The following GFOD1 variants were observed in gnomAD, a reference collection of about 807,000 sequenced individuals.
GFOD1 encodes the protein glucose-fructose oxidoreductase domain-containing protein 1.
Under a neutral mutation model 25.4 loss-of-function variants are expected in GFOD1, and 9 were observed. The observed-to-expected ratio is 0.35, with a 90% CI of 0.21 to 0.62. GFOD1 has a LOEUF of 0.62. Ranked by LOEUF, GFOD1 falls within the 20% of genes least tolerant of loss-of-function variation. The pLI is 0.72. For synonymous variants in GFOD1, 253 were observed against 245.6 expected, an observed-to-expected ratio of 1.03 and a Z score of -0.28; for missense variants, 403 against 556.9, an observed-to-expected ratio of 0.72 and a Z score of 2.78.
intron 1 of GFOD1, among the ~76,000 whole-genome samples, chr6:13,446,844 G>A (rs1254315120): frequency 6.6e-6 from 1 of 152,144 alleles, no homozygotes; most frequent in Non-Finnish European, 1.5e-5. Flanking sequence ...TCACCAACTG[G>A]CAGCAACAAC....
chr6:13,447,072 C>T (rs17768735), intron 1 of GFOD1, among the ~76,000 whole-genome samples: 38,114 of 152,138 alleles, frequency 0.25, 5,541 homozygotes, highest in Non-Finnish European at 0.32. Flanking sequence ...CACAGAAGAT[C>T]GGTGTCAGAA....
At chr6:13,367,872 T>C (rs1317437973) in intron 1 of GFOD1, among the ~76,000 whole-genome samples, 1 of 152,084 alleles carries the variant, frequency 6.6e-6, no homozygotes, top group Non-Finnish European at 1.5e-5. Context: ...CTCTGTGGTC[T>C]AGGCATGCTC....
chr6:13,459,200 C>T (rs1295901493), intron 1 of GFOD1, among the ~76,000 whole-genome samples: 1 of 151,994 alleles, frequency 6.6e-6, no homozygotes, highest in African/African-American at 2.4e-5. Flanking sequence ...AGAAATAAGA[C>T]CACACATTTC....
intron 1 of GFOD1, among the ~76,000 whole-genome samples, chr6:13,410,485 T>C (rs1316887972): frequency 6.6e-6 from 1 of 151,624 alleles, no homozygotes; most frequent in Non-Finnish European, 1.5e-5. Context: ...AAGAATTGCT[T>C]GAACCCAGGA....
At chr6:13,375,540 G>GC (rs538093358) in intron 1 of GFOD1, among the ~76,000 whole-genome samples, 170 of 152,354 alleles carry the variant, frequency 1.1e-3, no homozygotes, top group Middle Eastern at 3.4e-3. Context: ...CTCATATTCA[G>GC]CTCCTGTGTT....
chr6:13,378,965 GC>G (rs1405888321), intron 1 of GFOD1, among the ~76,000 whole-genome samples: 1 of 152,084 alleles, frequency 6.6e-6, no homozygotes, highest in Non-Finnish European at 1.5e-5. Context: ...TGCTGGTGTG[GC>G]CTAACAGAGG....
At chr6:13,398,293 C>A (rs1346190201) in intron 1 of GFOD1, among the ~76,000 whole-genome samples, 1 of 96,648 alleles carries the variant, frequency 1.0e-5, no homozygotes, top group East Asian at 3.0e-4. Flanking sequence ...AGACACCTAA[C>A]TTGGATCTGT....
Position 13,365,748 on chromosome 6 carries a change from T to C in GFOD1, c.254-86A>G, listed in dbSNP as rs976149339. 3 of 1,031,840 alleles carry C rather than the reference T, an allele frequency of 2.9e-6. No individual in the cohort carries two copies. Among genetic ancestry groups the C allele is most frequent in the Non-Finnish European group, 4.3e-6 (3 of 703,402 alleles). 63.9% of individuals were successfully genotyped at this position (1,031,840 alleles called of 1,614,324 possible). A position where few individuals can be genotyped will look rare whatever the true frequency, so the allele number is the denominator to read the frequency against. ...GGGTCAGATCTTAAAATATTTCACA[T>C]TAATAGAAAAAGAAGGTCAGATGTG... On this transcript the variant is annotated intron_variant, in intron 1 of 1. Coordinates refer to ENST00000379287, the MANE Select transcript of GFOD1 (RefSeq NM_018988.4). The surrounding 1 kb of genome is among the most constrained non-coding windows in gnomAD (Gnocchi z 9.2).
At chr6:13,474,738 C>G (rs996791444) in intron 1 of GFOD1, among the ~76,000 whole-genome samples, 1 of 152,326 alleles carries the variant, frequency 6.6e-6, no homozygotes, top group South Asian at 2.1e-4. Context: ...AAGAAACACT[C>G]TCCAGACACT....
rs117024942 is a variant in GFOD1, at chr6:13,481,727, G to A, written c.253+4911C>T. Among the ~76,000 whole-genome samples, 50 of 152,364 alleles carry A rather than the reference G, an allele frequency of 3.3e-4. No individual in the cohort carries two copies. The East Asian group carries it at 8.1e-3, about 25-fold the overall frequency. On this transcript the variant is annotated intron_variant, in intron 1 of 1. Coordinates refer to ENST00000379287, the MANE Select transcript of GFOD1 (RefSeq NM_018988.4). Reference sequence around the variant, plus strand: ...TCTTTGCCTTGTCTGCGTCCTGACCGTCAAGACGCTTGCTGGGAGAGGCAA... The same window carrying A: ...TCTTTGCCTTGTCTGCGTCCTGACCATCAAGACGCTTGCTGGGAGAGGCAA...
At chr6:13,399,131 C>T (rs1447948306) in intron 1 of GFOD1, among the ~76,000 whole-genome samples, 1 of 152,114 alleles carries the variant, frequency 6.6e-6, no homozygotes, top group Non-Finnish European at 1.5e-5. Context: ...TCTCTCACCT[C>T]AGCTTCCAGG....
Position 13,368,426 on chromosome 6 carries a change from G to A in GFOD1, c.254-2764C>T, listed in dbSNP as rs188773307. On this transcript the variant is annotated intron_variant, in intron 1 of 1. Coordinates refer to ENST00000379287, the MANE Select transcript of GFOD1 (RefSeq NM_018988.4). ...GTATCGCCAAAAGTGCCACACACCTGTGTAACATTATGTTCTGACAATATG... is the reference window on the plus strand; with the variant it reads ...GTATCGCCAAAAGTGCCACACACCTATGTAACATTATGTTCTGACAATATG... Among the ~76,000 whole-genome samples, 51 of 152,348 alleles carry A rather than the reference G, an allele frequency of 3.3e-4. 1 individual carries two copies. Among genetic ancestry groups the A allele is most frequent in the African/African-American group, 9.6e-4 (40 of 41,582 alleles).
At chr6:13,394,977 C>T (rs1785699093) in intron 1 of GFOD1, among the ~76,000 whole-genome samples, 1 of 152,038 alleles carries the variant, frequency 6.6e-6, no homozygotes. Flanking sequence ...GAGATAGGGT[C>T]TCACTGTGTT....
chr6:13,376,426 C>T (rs977240839), intron 1 of GFOD1, among the ~76,000 whole-genome samples: 1 of 152,104 alleles, frequency 6.6e-6, no homozygotes, highest in African/African-American at 2.4e-5. Context: ...CCTACACCAC[C>T]ACTCCACGCT....
chr6:13,408,993 G>C (rs62386728), intron 1 of GFOD1, among the ~76,000 whole-genome samples: 1 of 151,644 alleles, frequency 6.6e-6, no homozygotes, highest in African/African-American at 2.4e-5. Flanking sequence ...GCTGAGGCAG[G>C]ACAATTGCTT....
At chr6:13,429,253 C>T (rs1757704199) in intron 1 of GFOD1, among the ~76,000 whole-genome samples, 1 of 152,254 alleles carries the variant, frequency 6.6e-6, no homozygotes, top group Non-Finnish European at 1.5e-5. Context: ...CACAGGCTGC[C>T]TGGAGGAGCT....
intron 1 of GFOD1, among the ~76,000 whole-genome samples, chr6:13,460,990 C>A (rs1357541079): frequency 6.6e-6 from 1 of 152,198 alleles, no homozygotes; most frequent in Admixed American, 6.5e-5. Flanking sequence ...GATGCTGGCA[C>A]CTTGGTCCTG....
Position 13,434,860 on chromosome 6 carries a change from A to C in GFOD1, c.253+51778T>G, listed in dbSNP as rs1757809502. Among the ~76,000 whole-genome samples the C allele has an allele frequency of 2.0e-5, 3 of 152,218 alleles. No individual in the cohort carries two copies. In the South Asian group the frequency reaches 6.2e-4, roughly 31 times the overall value. On this transcript the variant is annotated intron_variant, in intron 1 of 1. Transcript: ENST00000379287. ...AGCAAGGCAAAACGTGGTTGGAAAAATCAGAGGCCTAGAGAATTTGCTACA... is the reference window on the plus strand; with the variant it reads ...AGCAAGGCAAAACGTGGTTGGAAAACTCAGAGGCCTAGAGAATTTGCTACA...
chr6:13,462,940 A>T (rs898573665), intron 1 of GFOD1, among the ~76,000 whole-genome samples: 2 of 152,234 alleles, frequency 1.3e-5, no homozygotes, highest in African/African-American at 4.8e-5. Context: ...TCTCCTGTTC[A>T]GGTTGCAAAT....
Sources: allele counts gnomAD v4.1 joint callset (sites outside exome capture counted in the v4.1 genomes callset), GRCh38; gene constraint gnomAD v4.1.1; non-coding constraint Gnocchi (gnomAD v3.1); transcripts MANE v1.5; gene names NCBI Gene and HGNC (gene_info 2026-07-23, HGNC 2026-07-21).